ZZZ3: variants seen among roughly 807,000 people sequenced by gnomAD.
The protein encoded by ZZZ3 is ZZ-type zinc finger-containing protein 3.
Under a neutral mutation model 95.2 loss-of-function variants are expected in ZZZ3, and 22 were observed. The observed-to-expected ratio is 0.23, with a 90% CI of 0.17 to 0.33. ZZZ3 has a LOEUF of 0.33. Ranked by LOEUF, ZZZ3 falls within the 10% of genes least tolerant of loss-of-function variation. The probability of loss-of-function intolerance (pLI) is 1.00; values close to 1 mark genes in which losing one functional copy is unlikely to be tolerated. For synonymous variants in ZZZ3, 335 were observed against 358.9 expected (o/e 0.93, Z 0.75); for missense variants, 885 against 1,066.5 (o/e 0.83, Z 2.37).
At chr1:77,646,969 G>T (rs1669331540) in intron 1 of ZZZ3, among the ~76,000 whole-genome samples, 1 of 152,156 alleles carries the variant, frequency 6.6e-6, no homozygotes, top group African/African-American at 2.4e-5. Context: ...CAGATAATCT[G>T]CAGGGGACCT....
intron 1 of ZZZ3, among the ~76,000 whole-genome samples, chr1:77,646,424 T>C (rs941480955): frequency 6.6e-6 from 1 of 152,074 alleles, no homozygotes; most frequent in Non-Finnish European, 1.5e-5. Context: ...TTTCACACCA[T>C]GTTGCCCAGG....
At chr1:77,628,666 T>C (rs575578372) in intron 5 of ZZZ3, among the ~76,000 whole-genome samples, 2 of 152,352 alleles carry the variant, frequency 1.3e-5, no homozygotes, top group South Asian at 2.1e-4. Flanking sequence ...AACACTAGGA[T>C]AGAAGGCTGT....
Position 77,616,824 on chromosome 1 carries a change from G to A in ZZZ3, c.1505+15026C>T, listed in dbSNP as rs541690764. 2.2e-4 allele frequency among the ~76,000 whole-genome samples: 34 copies of A among 152,080 alleles called. No individual in the cohort carries two copies. The South Asian group carries it at 2.9e-3, about 13-fold the overall frequency. ...GGAGGTTGCAGTGAGCCAAGATCGC[G>A]CCACTGCACTCCAGCCTGGGAAACA... On this transcript the variant is annotated intron_variant, in intron 5 of 14. Coordinates refer to ENST00000370801, the MANE Select transcript of ZZZ3 (RefSeq NM_015534.6).
At chr1:77,620,482 AATGGAAGG>A (rs1476786084) in intron 5 of ZZZ3, among the ~76,000 whole-genome samples, 1 of 97,770 alleles carries the variant, frequency 1.0e-5, no homozygotes, top group African/African-American at 3.6e-5. Context: ...AGAACGAAAG[AATGGAAGG>A]AAGGAAGGAA....
chr1:77,568,486 A>T lies in ZZZ3; in HGVS notation c.2332-20T>A. The T allele has an allele frequency of 8.4e-7, 1 of 1,184,870 alleles. No homozygotes were observed. The highest frequency in any genetic ancestry group is 2.6e-5 in the Admixed American group (1 of 37,934). The allele number at this position is 1,184,870 out of a possible 1,614,324, so 73.4% of individuals were successfully genotyped here. On this transcript the variant is annotated intron_variant, in intron 12 of 14. Transcript: ENST00000370801. ...GTCATCCTATCAAAAAAAAAAAAAAAAAAAAATGTTGGTTTGGTAATTAAA... is the reference window on the plus strand; with the variant it reads ...GTCATCCTATCAAAAAAAAAAAAAATAAAAAATGTTGGTTTGGTAATTAAA...
intron 13 of ZZZ3, among the ~76,000 whole-genome samples, chr1:77,567,944 G>C (rs955927866): frequency 2.6e-5 from 4 of 152,098 alleles, no homozygotes; most frequent in African/African-American, 9.7e-5. Flanking sequence ...CATCAGGAAC[G>C]ATGGCACCAC....
intron 1 of ZZZ3, among the ~76,000 whole-genome samples, chr1:77,654,496 A>C (rs574973): frequency 0.42 from 63,915 of 151,916 alleles, 15,716 homozygotes; most frequent in African/African-American, 0.68. Context: ...CAAACCAAAT[A>C]TAATAATATT....
intron 1 of ZZZ3, 37 bp downstream of exon 1, chr1:77,682,548 A>G (rs952345956): frequency 1.3e-5 from 2 of 152,380 alleles, no homozygotes; most frequent in Non-Finnish European, 2.9e-5. Flanking sequence ...CCCGGCACCA[A>G]GAGGCACTCG....
rs1664961144 is a variant in ZZZ3, at chr1:77,603,706, A to G, written c.1506-19051T>C. Reference sequence around the variant, plus strand: ...TAACAGGACAAGGCAAAATTTTTTTATACTCAAGGTCTAATACATAAGGTA... The same window carrying G: ...TAACAGGACAAGGCAAAATTTTTTTGTACTCAAGGTCTAATACATAAGGTA... On this transcript the variant is annotated intron_variant, in intron 5 of 14. Coordinates refer to ENST00000370801, the MANE Select transcript of ZZZ3 (RefSeq NM_015534.6). 2.0e-5 allele frequency among the ~76,000 whole-genome samples: 3 copies of G among 152,300 alleles called. No individual in the cohort carries two copies. The South Asian group carries it at 6.2e-4, about 32-fold the overall frequency.
intron 1 of ZZZ3, among the ~76,000 whole-genome samples, chr1:77,670,237 G>A (rs1326615128): frequency 4.0e-5 from 6 of 150,276 alleles, no homozygotes; most frequent in South Asian, 2.1e-4. Context: ...AACCAGTACT[G>A]TCCTTGAACA....
At chr1:77,626,046 A>G (rs1667307014) in intron 5 of ZZZ3, among the ~76,000 whole-genome samples, 1 of 152,144 alleles carries the variant, frequency 6.6e-6, no homozygotes, top group South Asian at 2.1e-4. Flanking sequence ...GGGTACAAAT[A>G]TACTTGGATT....
chr1:77,647,588 AATAAT>A (rs555638742), intron 1 of ZZZ3, among the ~76,000 whole-genome samples: 36 of 152,276 alleles, frequency 2.4e-4, no homozygotes, highest in Admixed American at 1.7e-3. Context: ...AGTAATATAA[AATAAT>A]ATAATTATAT....
intron 5 of ZZZ3, among the ~76,000 whole-genome samples, chr1:77,588,110 G>A (rs1461552759): frequency 6.6e-6 from 1 of 152,104 alleles, no homozygotes; most frequent in African/African-American, 2.4e-5. Context: ...AGTTATACAT[G>A]GATTTTCAAC....
In ZZZ3 at chr1:77,576,099, C is replaced by T. The variant is rs1344786487; in HGVS notation, c.2300G>A (p.Ser767Asn). ...ATCTTCAACAGCAGTGTTCATGTGG[C>T]TATGAAAACAAGATCGGTCATCATC... Reference protein sequence around the residue: ...DEDDDRSCFHSHMNTAVEDAS... With the variant: ...DEDDDRSCFHNHMNTAVEDAS... The change falls in exon 12 of 15, where the codon AGC becomes AAC. Residue 767 changes from serine (S) to asparagine (N), a missense_variant. This residue lies in a region of ZZZ3 where 221 missense variants were observed against 247.8 expected (regional missense o/e 0.89). Transcript: ENST00000370801. The T allele has an allele frequency of 1.2e-6, 2 of 1,611,070 alleles. No individual in the cohort carries two copies. Among genetic ancestry groups the T allele is most frequent in the East Asian group, 4.5e-5 (2 of 44,804 alleles).
At chr1:77,581,943 T>A (rs2270539) in intron 7 of ZZZ3, 36 bp downstream of exon 7, 1 of 1,602,446 alleles carries the variant, frequency 6.2e-7, no homozygotes, top group African/African-American at 1.3e-5. Context: ...TTGCCAGATA[T>A]TTTTCTACTT....
At chr1:77,643,163 G>A (rs1315888283) in intron 1 of ZZZ3, among the ~76,000 whole-genome samples, 1 of 151,012 alleles carries the variant, frequency 6.6e-6, no homozygotes, top group Non-Finnish European at 1.5e-5. Flanking sequence ...TCCAGCCTGG[G>A]TAACAAAGAA....
At chr1:77,655,878 T>A (rs1053812496) in intron 1 of ZZZ3, among the ~76,000 whole-genome samples, 4 of 152,224 alleles carry the variant, frequency 2.6e-5, no homozygotes, top group Admixed American at 1.3e-4. Context: ...CCAAACCAGC[T>A]TGTTAAATCC....
intron 1 of ZZZ3, among the ~76,000 whole-genome samples, chr1:77,660,295 T>C (rs984828872): frequency 6.6e-6 from 1 of 152,174 alleles, no homozygotes; most frequent in Non-Finnish European, 1.5e-5. Context: ...ATCCAATACA[T>C]TCATAATGCA....
At chr1:77,600,069 T>C (rs147937533) in intron 5 of ZZZ3, among the ~76,000 whole-genome samples, 186 of 152,192 alleles carry the variant, frequency 1.2e-3, no homozygotes, top group African/African-American at 4.3e-3. Context: ...CTATCCTAAT[T>C]TGGAAGGTAG....
Sources: allele counts gnomAD v4.1 joint callset (sites outside exome capture counted in the v4.1 genomes callset), GRCh38; gene constraint gnomAD v4.1.1; regional missense constraint gnomAD v4.1.1; transcripts MANE v1.5; gene names NCBI Gene and HGNC (gene_info 2026-07-23, HGNC 2026-07-21).